RIPOR2: variants seen among roughly 807,000 people sequenced by gnomAD.
The protein encoded by RIPOR2 is RHO family interacting cell polarization regulator 2, also known as rho family-interacting cell polarization regulator 2.
In RIPOR2, 39 loss-of-function variants were observed where a neutral mutation model predicts 114.5. The observed-to-expected ratio is 0.34, with a 90% CI of 0.26 to 0.44. The LOEUF is 0.44. RIPOR2 is among the 20% of genes least tolerant of loss of function. The probability of loss-of-function intolerance (pLI) is 1.00; values close to 1 mark genes in which losing one functional copy is unlikely to be tolerated. For missense variants in RIPOR2, 1,007 were observed against 1,255.1 expected (o/e 0.80, Z 2.99); for synonymous variants, 445 against 484.4 (o/e 0.92, Z 1.07).
intron 12 of RIPOR2, among the ~76,000 whole-genome samples, chr6:24,846,174 C>T (rs56033347): frequency 9.7e-4 from 147 of 152,162 alleles, no homozygotes; most frequent in Middle Eastern, 3.4e-3. Flanking sequence ...GTTATGTTAA[C>T]GGTTGCGTGT....
At chr6:24,942,382 C>T (rs116279946) in intron 1 of RIPOR2, among the ~76,000 whole-genome samples, 42 of 152,182 alleles carry the variant, frequency 2.8e-4, no homozygotes, top group Non-Finnish European at 5.3e-4. Flanking sequence ...TTAGAGAAAA[C>T]GCTGACATAA....
intron 1 of RIPOR2, among the ~76,000 whole-genome samples, chr6:24,913,785 T>A (rs1001982082): frequency 6.6e-5 from 10 of 152,158 alleles, no homozygotes; most frequent in African/African-American, 2.4e-4. Flanking sequence ...TACTATCCCT[T>A]AGGCAGGATT....
Position 24,861,054 on chromosome 6 carries a change from G to T in RIPOR2, c.652-18C>A. The T allele has an allele frequency of 6.3e-7, 1 of 1,589,976 alleles. No homozygotes were observed. The highest frequency in any genetic ancestry group is 8.6e-7 in the Non-Finnish European group (1 of 1,160,386). ...CACATATTCTGCAAAGAGGACAGGA[G>T]ACGATCATGAGAGCTAGCCTTTCAC... On this transcript the variant is annotated intron_variant, in intron 7 of 21. Coordinates refer to ENST00000643898, the MANE Select transcript of RIPOR2 (RefSeq NM_001286445.3).
rs968074502 is a variant in RIPOR2 at position 24,990,309 on chromosome 6, G to C, written c.76+51542C>G. ...AATCAACTTTAATAGGTGGATATTT[G>C]CAAAAACATCATTGATAGTGCTTCT... On this transcript the variant is annotated intron_variant, in intron 1 of 13. Coordinates refer to the RIPOR2 transcript ENST00000510784. Among the ~76,000 whole-genome samples, 4 of 152,330 alleles carry C rather than the reference G, an allele frequency of 2.6e-5. No homozygotes were observed. The South Asian group carries it at 6.2e-4, about 24-fold the overall frequency.
intron 1 of RIPOR2, among the ~76,000 whole-genome samples, chr6:24,972,457 C>T (rs925979272): frequency 6.6e-6 from 1 of 152,140 alleles, no homozygotes; most frequent in African/African-American, 2.4e-5. Flanking sequence ...GGTGAAGGCC[C>T]GGACAGAAAC....
Position 24,865,647 on chromosome 6 carries a change from C to T in RIPOR2, c.502-197G>A, listed in dbSNP as rs537334593. ...ACATTTTGTCTCAAAACAGATTTTG[C>T]TCTAATCCTGTTTTCAAATTATGCA... On this transcript the variant is annotated intron_variant, in intron 6 of 21. Coordinates refer to ENST00000643898, the MANE Select transcript of RIPOR2 (RefSeq NM_001286445.3). Among the ~76,000 whole-genome samples the T allele has an allele frequency of 4.6e-5, 7 of 152,288 alleles. No homozygotes were observed. In the South Asian group the frequency reaches 1.5e-3, roughly 32 times the overall value.
intron 1 of RIPOR2, among the ~76,000 whole-genome samples, chr6:25,005,134 C>T (rs1313996360): frequency 6.6e-6 from 1 of 152,164 alleles, no homozygotes; most frequent in Non-Finnish European, 1.5e-5. Context: ...AGGAGAATTT[C>T]TCTGCCTATT....
intron 1 of RIPOR2, among the ~76,000 whole-genome samples, chr6:24,906,728 C>T (rs1167527294): frequency 6.6e-6 from 1 of 152,194 alleles, no homozygotes; most frequent in Non-Finnish European, 1.5e-5. Context: ...CCTTGACCTT[C>T]CAGGCTCAAG....
intron 1 of RIPOR2, among the ~76,000 whole-genome samples, chr6:24,986,651 T>C (rs1339513590): frequency 1.3e-5 from 2 of 152,174 alleles, no homozygotes; most frequent in Non-Finnish European, 2.9e-5. Flanking sequence ...CCTGAAACGC[T>C]CTGCTTGGCG....
At chr6:24,940,597 A>C (rs1772073758), upstream of RIPOR2, among the ~76,000 whole-genome samples, 1 of 152,196 alleles carries the variant, frequency 6.6e-6, no homozygotes, top group African/African-American at 2.4e-5. Flanking sequence ...AAATTTGTCT[A>C]ATTTGTCTAA....
rs1015082070 is a variant in RIPOR2, at chr6:24,804,331, G to A, written c.*2042C>T. The stretch of plus-strand genomic sequence containing the variant: ...TTTATTTTAACTTACATGACTGAAA[G>A]ATCAATGAATACAAATGCCACACAA... On this transcript the variant is annotated 3_prime_UTR_variant, in exon 22 of 22. Coordinates refer to ENST00000643898, the MANE Select transcript of RIPOR2 (RefSeq NM_001286445.3). 7.9e-5 allele frequency: 12 copies of A among 151,942 alleles called. No individual in the cohort carries two copies. The highest frequency in any genetic ancestry group is 2.9e-4 in the African/African-American group (12 of 41,400). 9.4% of individuals were successfully genotyped at this position (151,942 alleles called of 1,614,324 possible). A position where few individuals can be genotyped will look rare whatever the true frequency, so the allele number is the denominator to read the frequency against.
intron 16 of RIPOR2, 130 bp from the exon 17 acceptor site, chr6:24,830,800 C>T: frequency 1.1e-6 from 1 of 915,138 alleles, no homozygotes; most frequent in Non-Finnish European, 1.6e-6. Flanking sequence ...ACTGGAACTT[C>T]CGCCTCCTGG....
At chr6:25,006,903 G>A (rs1775581418) in intron 1 of RIPOR2, among the ~76,000 whole-genome samples, 1 of 152,250 alleles carries the variant, frequency 6.6e-6, no homozygotes, top group South Asian at 2.1e-4. Context: ...TGAAAGCCTA[G>A]AGGAGCTGGA....
intron 12 of RIPOR2, 80 bp from the exon 13 acceptor site, chr6:24,843,634 T>C (rs1761961460): frequency 2.8e-6 from 3 of 1,058,822 alleles, no homozygotes; most frequent in African/African-American, 1.6e-5. Flanking sequence ...CCAGACAGAA[T>C]ATAAGGCAAT....
chr6:25,018,626 C>A (rs937471468), intron 1 of RIPOR2, among the ~76,000 whole-genome samples: 1 of 152,192 alleles, frequency 6.6e-6, no homozygotes. Flanking sequence ...ATTGCTTCCT[C>A]CAATATGTTT....
chr6:24,946,528 G>A (rs1452892657), intron 1 of RIPOR2, among the ~76,000 whole-genome samples: 3 of 151,962 alleles, frequency 2.0e-5, no homozygotes, highest in African/African-American at 7.3e-5. Flanking sequence ...AGCTAAGATC[G>A]CACCACTGCA....
chr6:24,850,910 T>G (rs1762831675), intron 9 of RIPOR2, among the ~76,000 whole-genome samples, 188 bp from the exon 10 acceptor site: 1 of 151,552 alleles, frequency 6.6e-6, no homozygotes. Flanking sequence ...TTTTTTTTTT[T>G]TTTGAGTTGG....
At chr6:24,971,249 C>A (rs544473056) in intron 1 of RIPOR2, among the ~76,000 whole-genome samples, 1 of 152,324 alleles carries the variant, frequency 6.6e-6, no homozygotes, top group South Asian at 2.1e-4. Flanking sequence ...AACAAGGCAG[C>A]CTGCCATCAT....
rs1780690589 is a variant in RIPOR2 at position 24,805,059 on chromosome 6, G to A, written c.*1314C>T. 6.6e-6 allele frequency: 1 copy of A among 152,048 alleles called. No individual in the cohort carries two copies. The highest frequency in any genetic ancestry group is 1.5e-5 in the Non-Finnish European group (1 of 67,994). The allele number at this position is 152,048 out of a possible 1,614,324, so 9.4% of individuals were successfully genotyped here. ...TAATCCCACGGTCATTTTTACAGAA[G>A]GAGGGACCACTTTAAATGTTCCTCC... is the stretch of plus-strand genomic sequence containing the variant. On this transcript the variant is annotated 3_prime_UTR_variant, in exon 22 of 22. Transcript: ENST00000643898.
Sources: allele counts gnomAD v4.1 joint callset (sites outside exome capture counted in the v4.1 genomes callset), GRCh38; gene constraint gnomAD v4.1.1; transcripts MANE v1.5; gene names NCBI Gene and HGNC (gene_info 2026-07-23, HGNC 2026-07-21).